PCK2: variants seen among roughly 807,000 people sequenced by gnomAD.
The protein encoded by PCK2 is phosphoenolpyruvate carboxykinase [GTP], mitochondrial.
PCK2 carries 56 observed loss-of-function variants against 65.9 expected under a neutral mutation model. That is an observed-to-expected ratio of 0.85 (90% CI 0.69 to 1.06). The LOEUF (loss-of-function observed/expected upper bound fraction) is 1.06. PCK2 is among the 50% of genes least tolerant of loss of function. The probability of loss-of-function intolerance (pLI) is 0.00; values close to 1 mark genes in which losing one functional copy is unlikely to be tolerated. For synonymous variants in PCK2, 305 were observed against 319.6 expected, an observed-to-expected ratio of 0.95 and a Z score of 0.49; for missense variants, 843 against 863.1, an observed-to-expected ratio of 0.98 and a Z score of 0.29.
intron 1 of PCK2, among the ~76,000 whole-genome samples, chr14:24,095,803 C>T (rs540149572): frequency 1.1e-4 from 16 of 152,338 alleles, no homozygotes; most frequent in Middle Eastern, 6.8e-3. Context: ...GACAACAGGA[C>T]GCTGACCTCC....
chr14:24,095,326 C>A, intron 1 of PCK2: 1 of 429,636 alleles, frequency 2.3e-6, no homozygotes, highest in Non-Finnish European at 4.7e-6. Context: ...AGACTGTGTG[C>A]TTGAAAACTG....
At position 24,099,583 on chromosome 14, in the gene PCK2, G is replaced by A. The variant is rs1433659057; in HGVS notation, c.878G>A (p.Gly293Glu). 6.2e-7 allele frequency: 1 copy of A among 1,606,082 alleles called. No individual in the cohort carries two copies. The highest frequency in any genetic ancestry group is 2.2e-5 in the East Asian group (1 of 44,842). ...ATCCTGGGCATCACCAGCCCTGCAG[G>A]GAAGAAGCGCTATGTGGCAGCCGCC... ...MLILGITSPAGKKRYVAAAFP... is the reference protein window; with the variant it reads ...MLILGITSPAEKKRYVAAAFP... Residue 293 changes from glycine (G) to glutamate (E), a missense_variant, in exon 6 of 10, where the codon GGG (glycine) becomes GAG (glutamate). Transcript: ENST00000216780.
intron 8 of PCK2, 72 bp downstream of exon 8, chr14:24,102,962 T>C (rs2037225498): frequency 6.8e-7 from 1 of 1,463,060 alleles, no homozygotes; most frequent in African/African-American, 1.4e-5. Context: ...TCCCTCCCTC[T>C]GATCCAGAGC....
At chr14:24,095,472 C>G (rs1566572141) in intron 1 of PCK2, 1 of 332,900 alleles carries the variant, frequency 3.0e-6, no homozygotes, top group South Asian at 2.3e-5. Context: ...CAGACAGACT[C>G]AAGCTCCCGT....
rs541317046 is a variant in PCK2, at chr14:24,100,221, C to T, written c.1234+8C>T. The T allele has an allele frequency of 4.0e-5, 64 of 1,613,902 alleles. No homozygotes were observed. The highest frequency in any genetic ancestry group is 2.0e-4 in the South Asian group (18 of 91,042). On this transcript the variant is annotated splice_region_variant and intron_variant, in intron 7 of 9. Transcript: ENST00000216780. ...GCAAACCCTGGAAACCTGGTATGTG[C>T]GGTGGGGAAGGTGTGGCACAGCCTC...
At position 24,096,904 on chromosome 14, in the gene PCK2, TG is replaced by T; in HGVS notation, c.45del (p.Leu16Ter). The T allele has an allele frequency of 6.2e-7, 1 of 1,613,404 alleles. No homozygotes were observed. The highest frequency in any genetic ancestry group is 8.5e-7 in the Non-Finnish European group (1 of 1,179,798). ...GTTTCTCCTATAGGCTTAACTGGCATGGGCTGAGCCCCTTGGGCTGGCCATC... is the reference window on the plus strand; with the variant it reads ...GTTTCTCCTATAGGCTTAACTGGCATGGCTGAGCCCCTTGGGCTGGCCATC... ...YRPGLRLNWHGLSPLGWPSCR... is the reference protein window; with the variant it reads ...YRPGLRLNWHXLSPLGWPSCR... On this transcript the variant is annotated frameshift_variant, in exon 2 of 10. Transcript: ENST00000216780. LOFTEE classifies it high-confidence loss of function.
chr14:24,099,481 T>C, intron 5 of PCK2, 77 bp from the exon 6 acceptor site: 2 of 1,367,126 alleles, frequency 1.5e-6, no homozygotes, highest in African/African-American at 2.9e-5. Context: ...TATTAGACCC[T>C]AGCTGCCCTT....
rs1267385378 is a variant in PCK2, at chr14:24,099,121, TC to T, written c.738del (p.Ile247SerfsTer38). On this transcript the variant is annotated frameshift_variant, in exon 5 of 10. Coordinates refer to ENST00000216780, the MANE Select transcript of PCK2 (RefSeq NM_004563.4). LOFTEE classifies it high-confidence loss of function. ...GGCCACGTGCCCGACCAGCGGGAGA[TC>T]ATCTCCTTCGGCAGCGGCTATGGTG... Reference protein sequence around the residue: ...LIGHVPDQREIISFGSGYGGN... With the variant: ...LIGHVPDQREXISFGSGYGGN... 13 of 1,612,376 alleles carry T rather than the reference TC, an allele frequency of 8.1e-6. No individual in the cohort carries two copies. The highest frequency in any genetic ancestry group is 1.1e-5 in the Non-Finnish European group (13 of 1,179,644).
chr14:24,095,714 T>G (rs2036843059), intron 1 of PCK2, among the ~76,000 whole-genome samples: 1 of 152,172 alleles, frequency 6.6e-6, no homozygotes, highest in Non-Finnish European at 1.5e-5. Flanking sequence ...GTCTTTGCTC[T>G]CTCGGGTTTA....
chr14:24,096,829 C>T (rs2036905984), intron 1 of PCK2, 63 bp from the exon 2 acceptor site: 3 of 1,485,300 alleles, frequency 2.0e-6, no homozygotes, highest in Middle Eastern at 1.7e-4. Context: ...TCTGTCTCTC[C>T]ACCACCTGCC....
rs370631813 is a variant in PCK2 at position 24,102,804 on chromosome 14, G to A, written c.1286G>A (p.Arg429His). The stretch of plus-strand genomic sequence containing the variant: ...AACTCTCGATTTTGTGCCCCGGCTC[G>A]CCAGTGCCCCATCATGGACCCAGCC... ...HPNSRFCAPA[R>H]QCPIMDPAWE... Residue 429 changes from arginine (R) to histidine (H), a missense_variant, in exon 8 of 10, where the codon CGC (arginine) becomes CAC (histidine). By Grantham distance (29) the Arg-to-His change is conservative. Transcript: ENST00000216780. The A allele has an allele frequency of 7.4e-6, 12 of 1,613,786 alleles. No individual in the cohort carries two copies. Among genetic ancestry groups the A allele is most frequent in the Admixed American group, 1.7e-5 (1 of 60,012 alleles).
At position 24,103,187 on chromosome 14, in the gene PCK2, A is replaced by C; in HGVS notation, c.1400A>C (p.Asn467Thr). 6.2e-7 allele frequency: 1 copy of C among 1,614,118 alleles called. No homozygotes were observed. The highest frequency in any genetic ancestry group is 8.5e-7 in the Non-Finnish European group (1 of 1,179,946). ...GTACCCCTGGTATACGAGGCCTTCA[A>C]CTGGCGTCATGGGGTGTTTGTGGGC... ...KGVPLVYEAF[N>T]WRHGVFVGSA... The change falls in exon 9 of 10, where the codon AAC becomes ACC. Residue 467 changes from asparagine (N) to threonine (T), a missense_variant. Coordinates refer to ENST00000216780, the MANE Select transcript of PCK2 (RefSeq NM_004563.4).
intron 4 of PCK2, 81 bp downstream of exon 4, chr14:24,098,759 A>T: frequency 8.4e-7 from 1 of 1,190,210 alleles, no homozygotes; most frequent in Non-Finnish European, 1.2e-6. Flanking sequence ...CTCTCCACAG[A>T]CCCTAAGAAC....
intron 9 of PCK2, 72 bp downstream of exon 9, chr14:24,103,327 A>AC: frequency 7.5e-7 from 1 of 1,333,862 alleles, no homozygotes; most frequent in Non-Finnish European, 1.1e-6. Flanking sequence ...CCTGAGCCAG[A>AC]CCTTCCTTTT....
Position 24,098,489 on chromosome 14 carries a change from GT to G in PCK2, c.476del (p.Val159GlyfsTer33). 1 of 1,614,084 alleles carries G rather than the reference GT, an allele frequency of 6.2e-7. No individual in the cohort carries two copies. The highest frequency in any genetic ancestry group is 1.1e-5 in the South Asian group (1 of 91,042). ...TTCCTCCACAGGCCGCACCATGTATGTGCTTCCATTCAGCATGGGTCCTGTG... is the reference window on the plus strand; with the variant it reads ...TTCCTCCACAGGCCGCACCATGTATGGCTTCCATTCAGCATGGGTCCTGTG... ...PGCMQGRTMY[V>X]LPFSMGPVGS... On this transcript the variant is annotated frameshift_variant, in exon 4 of 10. Coordinates refer to ENST00000216780, the MANE Select transcript of PCK2 (RefSeq NM_004563.4). LOFTEE classifies it high-confidence loss of function.
At chr14:24,095,691 C>T (rs575427575) in intron 1 of PCK2, among the ~76,000 whole-genome samples, 1 of 152,314 alleles carries the variant, frequency 6.6e-6, no homozygotes, top group South Asian at 2.1e-4. Flanking sequence ...AGGAGAGTAA[C>T]ATCCCCTTCA....
rs778125092 is a variant in PCK2 at position 24,098,276 on chromosome 14, C to G, written c.349C>G (p.Arg117Gly). Residue 117 changes from arginine to glycine, a missense_variant, in exon 3 of 10, where the codon CGG (arginine) becomes GGG (glycine). Physicochemically the swap from Arg to Gly is moderately radical, Grantham distance 125. Coordinates refer to ENST00000216780, the MANE Select transcript of PCK2 (RefSeq NM_004563.4). ...GACGGTGATTGTAACTCCTTCTCAG[C>G]GGGACACGGTACCACTCCCGCCTGG... ...SKTVIVTPSQ[R>G]DTVPLPPGGA... 6.2e-7 allele frequency: 1 copy of G among 1,613,908 alleles called. No individual in the cohort carries two copies. Among genetic ancestry groups the G allele is most frequent in the Non-Finnish European group, 8.5e-7 (1 of 1,179,918 alleles).
chr14:24,099,035 C>A lies in PCK2; in HGVS notation c.665-14C>A. The A allele has an allele frequency of 6.3e-7, 1 of 1,589,450 alleles. No individual in the cohort carries two copies. The highest frequency in any genetic ancestry group is 1.1e-5 in the South Asian group (1 of 90,026). The stretch of plus-strand genomic sequence containing the variant: ...ATGCTGCTGCCAGCAGCCCCATGAC[C>A]CCATTGTCCCCAGGGGAGCCAGTGA... On this transcript the variant is annotated splice_polypyrimidine_tract_variant and intron_variant, in intron 4 of 9. Transcript: ENST00000216780.
chr14:24,103,082 C>A, intron 8 of PCK2, 78 bp from the exon 9 acceptor site: 1 of 1,260,718 alleles, frequency 7.9e-7, no homozygotes, highest in South Asian at 1.2e-5. Context: ...GAGAGAGTAC[C>A]AGTCAAGCTC....
Sources: gnomAD v4.1 joint callset for allele counts (sites outside exome capture counted in the v4.1 genomes callset) on GRCh38, gnomAD v4.1.1 for gene constraint, MANE v1.5 for transcripts, NCBI Gene and HGNC (gene_info 2026-07-23, HGNC 2026-07-21) for gene names.